Variants in GRAMD1C observed in about 807,000 individuals in gnomAD.
GRAMD1C encodes the protein protein Aster-C.
GRAMD1C carries 89 observed loss-of-function variants against 97.8 expected under a neutral mutation model. The observed-to-expected ratio is 0.91, with a 90% confidence interval of 0.77 to 1.09. The LOEUF is 1.09. GRAMD1C is among the 50% of genes least tolerant of loss of function. GRAMD1C has a pLI of 0.00. For missense variants in GRAMD1C, 740 were observed against 766.4 expected (o/e 0.97, Z 0.41); for synonymous variants, 256 against 267.0 (o/e 0.96, Z 0.40).
chr3:113,943,264 A>G (rs979712187), intron 17 of GRAMD1C, among the ~76,000 whole-genome samples: 3 of 152,202 alleles, frequency 2.0e-5, no homozygotes, highest in African/African-American at 4.8e-5. Flanking sequence ...ACAGAGCTAA[A>G]CACTTCTTTC....
chr3:113,919,979 G>A (rs1559815606), intron 10 of GRAMD1C: 1 of 668,178 alleles, frequency 1.5e-6, no homozygotes, highest in Non-Finnish European at 2.8e-6. Flanking sequence ...TTTTTAGTGG[G>A]ATATGACCCT....
intron 2 of GRAMD1C, among the ~76,000 whole-genome samples, chr3:113,852,991 A>G (rs1374118491): frequency 6.6e-6 from 1 of 152,204 alleles, no homozygotes; most frequent in Non-Finnish European, 1.5e-5. Flanking sequence ...AAGTGAGCAG[A>G]AAGAGATTCA....
intron 6 of GRAMD1C, chr3:113,885,406 C>T (rs532954936): frequency 6.3e-7 from 1 of 1,575,712 alleles, no homozygotes; most frequent in Non-Finnish European, 8.7e-7. Flanking sequence ...CACGGTAATT[C>T]AGTACCAAAC....
chr3:113,844,390 AT>A, intron 1 of GRAMD1C, 112 bp from the exon 2 acceptor site: 1 of 684,386 alleles, frequency 1.5e-6, no homozygotes, highest in Non-Finnish European at 2.5e-6. Context: ...TCTTCTAAAC[AT>A]TTAAATATTG....
At chr3:113,872,142 G>A (rs1376772461) in intron 3 of GRAMD1C, among the ~76,000 whole-genome samples, 1 of 151,976 alleles carries the variant, frequency 6.6e-6, no homozygotes, top group South Asian at 2.1e-4. Context: ...TGGTACATAA[G>A]GACATAAAGT....
chr3:113,880,711 T>C (rs1162018444), intron 5 of GRAMD1C, among the ~76,000 whole-genome samples: 1 of 152,192 alleles, frequency 6.6e-6, no homozygotes, highest in Non-Finnish European at 1.5e-5. Context: ...ACACTTACTG[T>C]TATCTAGACA....
intron 10 of GRAMD1C, among the ~76,000 whole-genome samples, chr3:113,930,349 T>C (rs113802927): frequency 1.2e-4 from 18 of 152,338 alleles, no homozygotes; most frequent in African/African-American, 4.3e-4. Flanking sequence ...GATGGGAATG[T>C]TAAAGTGTTG....
chr3:113,914,526 G>A (rs1393645030), intron 9 of GRAMD1C, among the ~76,000 whole-genome samples: 3 of 152,148 alleles, frequency 2.0e-5, no homozygotes, highest in African/African-American at 7.2e-5. Context: ...CTTGATTTCT[G>A]AAACATGGGG....
chr3:113,867,838 A>T (rs1934644017), intron 2 of GRAMD1C, among the ~76,000 whole-genome samples: 1 of 152,124 alleles, frequency 6.6e-6, no homozygotes, highest in African/African-American at 2.4e-5. Flanking sequence ...TTTCCATCAA[A>T]TTTGGAAACT....
At chr3:113,854,739 G>GA (rs1934051251) in intron 2 of GRAMD1C, among the ~76,000 whole-genome samples, 1 of 151,992 alleles carries the variant, frequency 6.6e-6, no homozygotes, top group Admixed American at 6.6e-5. Flanking sequence ...ATATCAACAT[G>GA]AAAAAAACCT....
At chr3:113,890,549 G>A (rs1242354080) in intron 6 of GRAMD1C, 13 of 517,166 alleles carry the variant, frequency 2.5e-5, no homozygotes, top group Non-Finnish European at 3.4e-5. Flanking sequence ...TGTCATTACC[G>A]TGGGGTGCTC....
intron 6 of GRAMD1C, among the ~76,000 whole-genome samples, chr3:113,894,863 C>G (rs960729226): frequency 6.6e-6 from 1 of 152,100 alleles, no homozygotes; most frequent in African/African-American, 2.4e-5. Flanking sequence ...TATACGCTGT[C>G]TAAATTCTGA....
rs925704276 is a variant in GRAMD1C at position 113,930,766 on chromosome 3, G to C, written c.1143G>C (p.Thr381=). The C allele has an allele frequency of 6.8e-6, 11 of 1,612,214 alleles. No homozygotes were observed. Among genetic ancestry groups the C allele is most frequent in the Non-Finnish European group, 9.3e-6 (11 of 1,178,434 alleles). Residue 381 remains threonine, a synonymous_variant, in exon 11 of 18, where the codon ACG becomes ACC. Coordinates refer to ENST00000358160, the MANE Select transcript of GRAMD1C (RefSeq NM_017577.5). ...AACTTGGAGGTGATCAGCTGAGAAC[G>C]ATGACCTACACTATAGTCCTTAATA... ...TAELGGDQLR[T]MTYTIVLNSP...
At chr3:113,921,792 C>A (rs1161625059) in intron 10 of GRAMD1C, among the ~76,000 whole-genome samples, 1 of 152,042 alleles carries the variant, frequency 6.6e-6, no homozygotes, top group Non-Finnish European at 1.5e-5. Context: ...CCCTTGCCCA[C>A]TTTTTTATTG....
At chr3:113,910,888 C>A (rs1000565481) in intron 9 of GRAMD1C, among the ~76,000 whole-genome samples, 27 of 151,978 alleles carry the variant, frequency 1.8e-4, no homozygotes, top group Non-Finnish European at 3.8e-4. Flanking sequence ...GTGTGCCAAG[C>A]CTACCCAACA....
At chr3:113,886,908 A>G (rs1935511330) in intron 6 of GRAMD1C, among the ~76,000 whole-genome samples, 1 of 148,172 alleles carries the variant, frequency 6.7e-6, no homozygotes, top group African/African-American at 2.5e-5. Flanking sequence ...CAGCCTCCTG[A>G]GTAGCTGGGA....
chr3:113,928,860 A>T (rs1937316575), intron 10 of GRAMD1C, among the ~76,000 whole-genome samples: 1 of 152,168 alleles, frequency 6.6e-6, no homozygotes, highest in Admixed American at 6.5e-5. Flanking sequence ...CATTTTGTTT[A>T]TCCGTTCATC....
intron 5 of GRAMD1C, among the ~76,000 whole-genome samples, chr3:113,876,880 G>C (rs1194789833): frequency 1.3e-5 from 2 of 151,884 alleles, no homozygotes; most frequent in Non-Finnish European, 2.9e-5. Context: ...AAAAAGAGGA[G>C]GGGTAGGGAG....
chr3:113,910,611 G>A (rs1301701821), intron 9 of GRAMD1C, among the ~76,000 whole-genome samples: 1 of 152,168 alleles, frequency 6.6e-6, no homozygotes, highest in Non-Finnish European at 1.5e-5. Flanking sequence ...AGTCCTTCTT[G>A]ACCACCCTGG....
Sources: allele counts gnomAD v4.1 joint callset (sites outside exome capture counted in the v4.1 genomes callset), GRCh38; gene constraint gnomAD v4.1.1; transcripts MANE v1.5; gene names NCBI Gene and HGNC (gene_info 2026-07-23, HGNC 2026-07-21).